Variants in TOGARAM2 observed in about 807,000 individuals in gnomAD.
The protein encoded by TOGARAM2 is TOG array regulator of axonemal microtubules protein 2.
A neutral mutation model predicts 93.3 loss-of-function variants in TOGARAM2; 85 were observed. The observed-to-expected ratio is 0.91, with a 90% CI of 0.76 to 1.09. TOGARAM2 has a LOEUF of 1.09. Ranked by LOEUF, TOGARAM2 falls within the 50% of genes least tolerant of loss-of-function variation. The pLI is 0.00. For missense variants in TOGARAM2, 1,277 were observed against 1,334.5 expected, an observed-to-expected ratio of 0.96 and a Z score of 0.67; for synonymous variants, 593 against 552.8, an observed-to-expected ratio of 1.07 and a Z score of -1.02.
chr2:29,002,265 TG>T (rs1673345546), intron 4 of TOGARAM2, among the ~76,000 whole-genome samples: 1 of 152,240 alleles, frequency 6.6e-6, no homozygotes, highest in African/African-American at 2.4e-5. Flanking sequence ...TGCTTCCTCC[TG>T]ATCTGGCACT....
intron 1 of TOGARAM2, among the ~76,000 whole-genome samples, chr2:28,973,367 CTTCCTTCCCTTCCTTCCTT>C (rs1348057858): frequency 1.9e-4 from 25 of 132,796 alleles, no homozygotes; most frequent in African/African-American, 7.2e-4. Context: ...TTCTTTCCTC[CTTCCTTCCCTTCCTTCCTT>C]CTTTCCTCCC....
Position 29,014,538 on chromosome 2 carries a change from G to A in TOGARAM2, c.1021G>A (p.Asp341Asn). 6.4e-7 allele frequency: 1 copy of A among 1,570,384 alleles called. No individual in the cohort carries two copies. Among genetic ancestry groups the A allele is most frequent in the Non-Finnish European group, 8.6e-7 (1 of 1,157,524 alleles). ...REACPPLKEE[D>N]QKEIGTKIQV... ...AGCCTGCCCTCCGCTGAAAGAAGAG[G>A]ACCAGAAGGAGATCGGCACCAAGGT... The change falls in exon 8 of 20, where the codon GAC (aspartate) becomes AAC (asparagine). Residue 341 changes from aspartate to asparagine, a missense_variant. Transcript: ENST00000379558.
intron 1 of TOGARAM2, among the ~76,000 whole-genome samples, chr2:28,990,735 G>A (rs768597127): frequency 1.3e-5 from 2 of 152,082 alleles, no homozygotes; most frequent in South Asian, 2.1e-4. Context: ...CCTGTCGGGC[G>A]TGACAGTGAA....
chr2:29,019,763 T>G (rs931754504), intron 10 of TOGARAM2, among the ~76,000 whole-genome samples: 2 of 152,214 alleles, frequency 1.3e-5, no homozygotes, highest in Non-Finnish European at 2.9e-5. Context: ...TGAATCCTCC[T>G]CTTCTTCCTC....
chr2:29,008,254 A>G (rs1424586873), intron 6 of TOGARAM2, among the ~76,000 whole-genome samples: 1 of 151,182 alleles, frequency 6.6e-6, no homozygotes, highest in Non-Finnish European at 1.5e-5. Flanking sequence ...GGGTTCAAGC[A>G]ATTCTTCTGT....
chr2:28,978,126 C>T (rs1218307465), upstream of TOGARAM2, among the ~76,000 whole-genome samples: 1 of 152,128 alleles, frequency 6.6e-6, no homozygotes, highest in African/African-American at 2.4e-5. Context: ...AGGCTGGTCT[C>T]GAACCCCTGG....
chr2:29,001,856 CT>C (rs11324817), intron 4 of TOGARAM2, among the ~76,000 whole-genome samples: 65,111 of 147,298 alleles, frequency 0.44, 15,486 homozygotes, highest in East Asian at 0.72. Context: ...AAATGCTAGT[CT>C]TTTTTTTTTT....
chr2:29,000,502 A>G (rs1354470492), intron 4 of TOGARAM2, among the ~76,000 whole-genome samples: 1 of 152,208 alleles, frequency 6.6e-6, no homozygotes, highest in African/African-American at 2.4e-5. Flanking sequence ...TATGGGAAGA[A>G]CTTAATACAT....
chr2:28,976,309 T>G (rs569247700), upstream of TOGARAM2, among the ~76,000 whole-genome samples: 1 of 152,274 alleles, frequency 6.6e-6, no homozygotes, highest in South Asian at 2.1e-4. Context: ...AGGCGGAGCT[T>G]GCAGTGAGCT....
chr2:28,975,003 G>T (rs1237984568), intron 1 of TOGARAM2, among the ~76,000 whole-genome samples: 2 of 151,190 alleles, frequency 1.3e-5, no homozygotes, highest in African/African-American at 2.4e-5. Flanking sequence ...TTATGTTCAA[G>T]TTCACTGATT....
intron 19 of TOGARAM2, chr2:29,047,323 T>C (rs990967287): frequency 6.6e-6 from 1 of 152,242 alleles, no homozygotes; most frequent in Admixed American, 6.5e-5. Flanking sequence ...TACCTGTCCT[T>C]GTCTGGGTAA....
intron 19 of TOGARAM2, chr2:29,050,074 TAAAAC>T (rs1236990600): frequency 6.6e-6 from 1 of 151,870 alleles, no homozygotes; most frequent in South Asian, 2.1e-4. Flanking sequence ...TCATGAAAAA[TAAAAC>T]AAGGTGGCTC....
chr2:28,973,465 TCCTC>T (rs776169095), intron 1 of TOGARAM2, among the ~76,000 whole-genome samples: 22 of 60,816 alleles, frequency 3.6e-4, no homozygotes, highest in East Asian at 1.0e-3. Flanking sequence ...CTTCCTTCCT[TCCTC>T]CCTCCCTCCC....
chr2:29,033,689 G>A lies in TOGARAM2; in HGVS notation c.2225+126G>A, dbSNP rs1181515628. On this transcript the variant is annotated intron_variant, in intron 16 of 19. Transcript: ENST00000379558. ...TCTGGGGTATCGCTGAGACCTAGTT[G>A]GGGCTGCAATACTAATAGATGAATT... 1.4e-5 allele frequency: 11 copies of A among 792,152 alleles called. No homozygotes were observed. In the East Asian group the frequency reaches 3.1e-4, roughly 22 times the overall value. The allele number at this position is 792,152 out of a possible 1,614,324, so 49.1% of individuals were successfully genotyped here.
intron 1 of TOGARAM2, among the ~76,000 whole-genome samples, chr2:28,982,553 G>T (rs553940669): frequency 3.9e-5 from 6 of 152,254 alleles, no homozygotes; most frequent in East Asian, 3.9e-4. Context: ...CCCAGGACTG[G>T]CTCAGTTTCA....
At chr2:28,988,930 G>A (rs1182601181) in intron 1 of TOGARAM2, among the ~76,000 whole-genome samples, 2 of 152,078 alleles carry the variant, frequency 1.3e-5, no homozygotes, top group Non-Finnish European at 2.9e-5. Context: ...AACTCCCCTG[G>A]CCTCCCTGGC....
chr2:28,960,551 C>T (rs1224095262), intron 1 of TOGARAM2, among the ~76,000 whole-genome samples: 1 of 152,152 alleles, frequency 6.6e-6, no homozygotes, highest in Non-Finnish European at 1.5e-5. Flanking sequence ...CGGTCTCTTA[C>T]CCTCTTGCCC....
At chr2:29,045,492 G>T in intron 19 of TOGARAM2, 82 bp downstream of exon 19, 2 of 1,194,476 alleles carry the variant, frequency 1.7e-6, no homozygotes, top group Non-Finnish European at 2.4e-6. Context: ...CATTCACCCA[G>T]TTATCTTAGA....
intron 14 of TOGARAM2, among the ~76,000 whole-genome samples, chr2:29,030,499 T>C (rs1202370977): frequency 6.6e-6 from 1 of 152,122 alleles, no homozygotes; most frequent in African/African-American, 2.4e-5. Flanking sequence ...GTTTGCTTGT[T>C]GGTTTTAAAT....
Sources: allele counts gnomAD v4.1 joint callset (sites outside exome capture counted in the v4.1 genomes callset), GRCh38; gene constraint gnomAD v4.1.1; transcripts MANE v1.5; gene names NCBI Gene and HGNC (gene_info 2026-07-23, HGNC 2026-07-21).